The following MTAP variants were observed in gnomAD, a reference collection of about 807,000 sequenced individuals.
MTAP encodes the protein S-methyl-5'-thioadenosine phosphorylase.
MTAP carries 33 observed loss-of-function variants against 33.6 expected under a neutral mutation model. The observed-to-expected ratio is 0.98, with a 90% CI of 0.74 to 1.31. MTAP has a LOEUF of 1.31. Among genes scored for constraint, MTAP ranks in the 40% most tolerant of loss-of-function variants. MTAP has a pLI of 0.00. For missense variants in MTAP, 367 were observed against 360.0 expected (o/e 1.02, Z -0.16); for synonymous variants, 148 against 125.7 (o/e 1.18, Z -1.19).
Position 21,865,495 on chromosome 9 carries a change from A to C in MTAP, c.*3481A>C. On this transcript the variant is annotated 3_prime_UTR_variant, in exon 8 of 8. Coordinates refer to ENST00000644715, the MANE Select transcript of MTAP (RefSeq NM_002451.4). Reference sequence around the variant, plus strand: ...ACCTTGGAACTACCAGTGTGCACACAATCTGGCTCAATGTATATATTGGCC... The same window carrying C: ...ACCTTGGAACTACCAGTGTGCACACCATCTGGCTCAATGTATATATTGGCC... 1.0e-6 allele frequency: 1 copy of C among 985,600 alleles called. No homozygotes were observed. The highest frequency in any genetic ancestry group is 1.2e-6 in the Non-Finnish European group (1 of 829,980). 61.1% of individuals were successfully genotyped at this position (985,600 alleles called of 1,614,324 possible).
intron 5 of MTAP, among the ~76,000 whole-genome samples, chr9:21,839,619 G>C (rs988381371): frequency 6.6e-6 from 1 of 152,132 alleles, no homozygotes; most frequent in Non-Finnish European, 1.5e-5. Context: ...GGCAATTTAA[G>C]AAAATGGCAA....
downstream of MTAP, among the ~76,000 whole-genome samples, chr9:21,871,824 A>G (rs931366719): frequency 1.3e-5 from 2 of 152,106 alleles, no homozygotes; most frequent in African/African-American, 4.8e-5. Context: ...GTAAAATTCT[A>G]CCTCCCCAGA....
chr9:21,829,814 G>A (rs936120895), intron 4 of MTAP, among the ~76,000 whole-genome samples: 5 of 152,166 alleles, frequency 3.3e-5, no homozygotes, highest in African/African-American at 1.2e-4. Context: ...CTGATTTTTA[G>A]GGTTGTTTTT....
intron 4 of MTAP, among the ~76,000 whole-genome samples, chr9:21,823,543 C>T (rs1275943248): frequency 1.3e-5 from 2 of 152,192 alleles, no homozygotes; most frequent in Non-Finnish European, 2.9e-5. Context: ...CTGTCCTTAA[C>T]ATTTTTTCCT....
Position 21,866,590 on chromosome 9 carries a change from A to G in MTAP, c.*4576A>G, listed in dbSNP as rs568454117. ...TGAATCTGGATGATCTATTTATGTC[A>G]TTTATCTATGTGTCTCTTCTTATGC... On this transcript the variant is annotated 3_prime_UTR_variant, in exon 8 of 8. Transcript: ENST00000644715. 1 of 152,146 alleles carries G rather than the reference A, an allele frequency of 6.6e-6. No homozygotes were observed. The highest frequency in any genetic ancestry group is 6.5e-5 in the Admixed American group (1 of 15,278). 9.4% of individuals were successfully genotyped at this position (152,146 alleles called of 1,614,324 possible).
intron 1 of MTAP, chr9:21,892,883 A>G (rs994318557): frequency 6.6e-6 from 1 of 152,216 alleles, no homozygotes; most frequent in Non-Finnish European, 1.5e-5. Context: ...ACCATAAAGC[A>G]ATTCTCAACA....
chr9:21,867,622 T>C (rs906977439), downstream of MTAP, among the ~76,000 whole-genome samples: 9 of 152,152 alleles, frequency 5.9e-5, no homozygotes, highest in Non-Finnish European at 1.0e-4. Flanking sequence ...TTTTCCTTTC[T>C]TGTAAGTCTT....
intron 1 of MTAP, among the ~76,000 whole-genome samples, chr9:21,920,336 C>G (rs886211348): frequency 6.6e-6 from 1 of 152,114 alleles, no homozygotes; most frequent in Non-Finnish European, 1.5e-5. Context: ...GCTGTAATTC[C>G]ATTAGAGCAA....
intron 1 of MTAP, among the ~76,000 whole-genome samples, chr9:21,928,110 A>G (rs1818897974): frequency 6.6e-6 from 1 of 152,176 alleles, no homozygotes; most frequent in African/African-American, 2.4e-5. Flanking sequence ...AGGAAGAAAT[A>G]GATTGGGCCA....
chr9:21,909,801 G>C (rs933922861), intron 1 of MTAP, among the ~76,000 whole-genome samples: 1 of 152,100 alleles, frequency 6.6e-6, no homozygotes, highest in African/African-American at 2.4e-5. Flanking sequence ...ACAATACATT[G>C]TTTGAGGCAG....
chr9:21,827,908 T>C (rs1824863315), intron 4 of MTAP, among the ~76,000 whole-genome samples: 1 of 152,248 alleles, frequency 6.6e-6, no homozygotes. Flanking sequence ...TTCAGGATGA[T>C]CCAGATGTAT....
intron 1 of MTAP, among the ~76,000 whole-genome samples, chr9:21,805,365 C>G (rs2117889317): frequency 6.6e-6 from 1 of 152,264 alleles, no homozygotes; most frequent in Middle Eastern, 3.4e-3. Context: ...TATTGAATAC[C>G]TGCTAGACAA....
At chr9:21,820,231 G>A (rs1824597520) in intron 4 of MTAP, among the ~76,000 whole-genome samples, 1 of 152,196 alleles carries the variant, frequency 6.6e-6, no homozygotes, top group Non-Finnish European at 1.5e-5. Context: ...CCTATGTCCT[G>A]AATGGTATTG....
intron 4 of MTAP, among the ~76,000 whole-genome samples, chr9:21,820,823 C>T (rs193194083): frequency 1.1e-3 from 164 of 152,214 alleles, no homozygotes; most frequent in Middle Eastern, 6.8e-3. Context: ...TGTAGTTCTC[C>T]TTGAAGAGGT....
chr9:21,901,628 C>T (rs1302146995), intron 1 of MTAP, among the ~76,000 whole-genome samples: 1 of 152,084 alleles, frequency 6.6e-6, no homozygotes, highest in Non-Finnish European at 1.5e-5. Context: ...ACCTCAACCT[C>T]CTTTGCCAGG....
At chr9:21,813,193 G>C (rs1315192346) in intron 1 of MTAP, among the ~76,000 whole-genome samples, 1 of 152,214 alleles carries the variant, frequency 6.6e-6, no homozygotes, top group Non-Finnish European at 1.5e-5. Flanking sequence ...TCTTGGCCCT[G>C]CTGGCCTCCA....
chr9:21,915,061 TTTC>T (rs1818661780), intron 1 of MTAP, among the ~76,000 whole-genome samples: 1 of 123,380 alleles, frequency 8.1e-6, no homozygotes, highest in East Asian at 2.9e-4. Context: ...CCTTCCTTTC[TTTC>T]TTTCTTTCTT....
downstream of MTAP, among the ~76,000 whole-genome samples, chr9:21,939,340 C>T (rs146778210): frequency 2.9e-3 from 445 of 152,244 alleles, 4 homozygotes; most frequent in African/African-American, 9.3e-3. Flanking sequence ...TATGACTTTT[C>T]GTTTGAAACA....
chr9:21,906,334 G>A (rs897252804), intron 1 of MTAP, among the ~76,000 whole-genome samples: 6 of 151,374 alleles, frequency 4.0e-5, no homozygotes, highest in Admixed American at 1.3e-4. Flanking sequence ...AATTGAAGAC[G>A]TGAAAAAAAA....
Sources: allele counts gnomAD v4.1 joint callset (sites outside exome capture counted in the v4.1 genomes callset), GRCh38; gene constraint gnomAD v4.1.1; transcripts MANE v1.5; gene names NCBI Gene and HGNC (gene_info 2026-07-23, HGNC 2026-07-21).